Variants in PRKAG1 observed in about 807,000 individuals in gnomAD.
PRKAG1 encodes the protein 5'-AMP-activated protein kinase subunit gamma-1.
A neutral mutation model predicts 48.2 loss-of-function variants in PRKAG1; 27 were observed. The observed-to-expected ratio is 0.56, with a 90% CI of 0.41 to 0.77. PRKAG1 has a LOEUF of 0.77. Among genes scored for constraint, PRKAG1 ranks in the 30% least tolerant of loss-of-function variants. The pLI is 0.00. For synonymous variants in PRKAG1, 130 were observed against 147.7 expected (o/e 0.88, Z 0.87); for missense variants, 287 against 398.3 (o/e 0.72, Z 2.38).
intron 8 of PRKAG1, 43 bp from the exon 9 acceptor site, chr12:49,003,965 C>T (rs968580392): frequency 6.4e-7 from 1 of 1,554,224 alleles, no homozygotes; most frequent in Middle Eastern, 1.7e-4. Context: ...GCACCCAAAG[C>T]CACCCTTGGA....
rs373111977 is a variant in PRKAG1, at chr12:49,010,591, A to G, written c.58+2471T>C. Among the ~76,000 whole-genome samples the G allele has an allele frequency of 3.9e-5, 6 of 152,072 alleles. No homozygotes were observed. In the East Asian group the frequency reaches 9.6e-4, roughly 24 times the overall value. On this transcript the variant is annotated intron_variant, in intron 2 of 11. Transcript: ENST00000548065. ...GAGGCAGAGTTGCCCACTGTACTCA[A>G]TGGGGTAGGGTGTCTTGGGATCTGA...
intron 1 of PRKAG1, among the ~76,000 whole-genome samples, chr12:49,015,733 C>T (rs777553836): frequency 6.6e-6 from 1 of 152,082 alleles, no homozygotes; most frequent in Non-Finnish European, 1.5e-5. Flanking sequence ...CCACCACGCC[C>T]AGCTAAGTTT....
At chr12:49,017,208 CTTTTTTTTT>C in intron 1 of PRKAG1, 2 of 449,232 alleles carry the variant, frequency 4.5e-6, no homozygotes, top group Middle Eastern at 3.3e-4. Context: ...TCTTTCTTTT[CTTTTTTTTT>C]GGAGACAGGA....
At chr12:49,003,075 A>C in intron 11 of PRKAG1, 69 bp from the exon 12 acceptor site, 1 of 1,612,718 alleles carries the variant, frequency 6.2e-7, no homozygotes, top group Non-Finnish European at 8.5e-7. Context: ...CTCTGCCCCT[A>C]CTCTCCTTGC....
chr12:49,018,776 G>A lies in PRKAG1; in HGVS notation c.-36C>T. 9.3e-6 allele frequency: 15 copies of A among 1,612,176 alleles called. No individual in the cohort carries two copies. The highest frequency in any genetic ancestry group is 1.3e-5 in the Non-Finnish European group (15 of 1,179,866). ...GCCCGGCTTGGTTTCCTCGCTTTAG[G>A]AAACTCTCTTGGGGCAGGCCCCGCC... On this transcript the variant is annotated 5_prime_UTR_variant, in exon 1 of 12. Coordinates refer to ENST00000548065, the MANE Select transcript of PRKAG1 (RefSeq NM_002733.5).
At chr12:49,018,372 C>A in intron 1 of PRKAG1, 1 of 1,022,146 alleles carries the variant, frequency 9.8e-7, no homozygotes, top group South Asian at 3.5e-5. Flanking sequence ...CGTGCCTCAC[C>A]CAGCAAAGCC....
rs201416536 is a variant in PRKAG1, at chr12:49,002,889, T to A, written c.*10A>T. On this transcript the variant is annotated 3_prime_UTR_variant, in exon 12 of 12. Transcript: ENST00000548065. ...ATATCCCCTGGTGCTGCATGACCCC[T>A]TCCCCCAGCTCAGGGCTTCTTCTCT... The A allele has an allele frequency of 1.2e-6, 2 of 1,611,326 alleles. No homozygotes were observed. Among genetic ancestry groups the A allele is most frequent in the Admixed American group, 3.3e-5 (2 of 60,004 alleles).
chr12:49,004,091 ACCAG>A, intron 8 of PRKAG1, 169 bp from the exon 9 acceptor site: 1 of 887,236 alleles, frequency 1.1e-6, no homozygotes, highest in South Asian at 2.0e-5. Context: ...GGAGTTCGAG[ACCAG>A]CCTGGGCAAC....
At chr12:49,003,676 G>A in intron 9 of PRKAG1, 81 bp from the exon 10 acceptor site, 1 of 1,608,662 alleles carries the variant, frequency 6.2e-7, no homozygotes, top group Non-Finnish European at 8.5e-7. Flanking sequence ...TCCTGGCTAA[G>A]CTGAGGGGAA....
In PRKAG1 at chr12:49,003,940, A is replaced by C. The variant is rs547315456; in HGVS notation, c.538-18T>G. 6.4e-7 allele frequency: 1 copy of C among 1,572,494 alleles called. No homozygotes were observed. The highest frequency in any genetic ancestry group is 1.4e-5 in the African/African-American group (1 of 73,622). ...TCAGTGATCTGAGGAAAGAACCATC[A>C]GCTTAACTTTCAAGGCACCCAAAGC... On this transcript the variant is annotated intron_variant, in intron 8 of 11. Transcript: ENST00000548065.
Position 49,003,942 on chromosome 12 carries a change from C to T in PRKAG1, c.538-20G>A. On this transcript the variant is annotated intron_variant, in intron 8 of 11. Transcript: ENST00000548065. ...AGTGATCTGAGGAAAGAACCATCAG[C>T]TTAACTTTCAAGGCACCCAAAGCCA... The T allele has an allele frequency of 6.4e-7, 1 of 1,571,148 alleles. No homozygotes were observed. Among genetic ancestry groups the T allele is most frequent in the Non-Finnish European group, 8.6e-7 (1 of 1,157,218 alleles).
intron 1 of PRKAG1, chr12:49,018,422 G>A (rs1942092154): frequency 7.7e-7 from 1 of 1,290,838 alleles, no homozygotes; most frequent in Non-Finnish European, 9.9e-7. Flanking sequence ...AAAAGGGCTT[G>A]AGGTGCCAAT....
intron 10 of PRKAG1, 76 bp downstream of exon 10, chr12:49,003,482 C>T: frequency 6.4e-7 from 1 of 1,560,840 alleles, no homozygotes; most frequent in Non-Finnish European, 8.8e-7. Flanking sequence ...GAAGAGACTC[C>T]CTTCTCCCTC....
Position 49,005,807 on chromosome 12 carries a change from G to A in PRKAG1, c.104C>T (p.Ser35Phe). The A allele has an allele frequency of 1.2e-6, 2 of 1,613,912 alleles. No individual in the cohort carries two copies. Among genetic ancestry groups the A allele is most frequent in the Non-Finnish European group, 1.7e-6 (2 of 1,179,886 alleles). ...GGGAATCAGGTCATAGCAGCGATGAGACTTCATGAAGGAAGTATACACGCT... is the reference window on the plus strand; with the variant it reads ...GGGAATCAGGTCATAGCAGCGATGAAACTTCATGAAGGAAGTATACACGCT... ...NNSVYTSFMK[S>F]HRCYDLIPTS... The change falls in exon 3 of 12, where the codon TCT becomes TTT. Residue 35 changes from serine (S) to phenylalanine (F), a missense_variant. By Grantham distance (155) the Ser-to-Phe change is radical. Around this residue, in one of 2 missense-constraint regions of PRKAG1, gnomAD observed 63 missense variants for 54.0 expected, o/e 1.17. Transcript: ENST00000548065. The surrounding 1 kb of genome is among the most constrained non-coding windows in gnomAD (Gnocchi z 4.1).
In PRKAG1 at chr12:49,003,748, ATC is replaced by A. The variant is rs1442334703; in HGVS notation, c.703+7_703+8del. The A allele has an allele frequency of 6.2e-7, 1 of 1,610,214 alleles. No individual in the cohort carries two copies. The highest frequency in any genetic ancestry group is 1.1e-5 in the South Asian group (1 of 90,470). On this transcript the variant is annotated splice_region_variant and intron_variant, in intron 9 of 11. Transcript: ENST00000548065. ...TCTTCCCTCCCTCTCCTTCTGCCCA[ATC>A]TCTCACCCTTCTCATCCACCACTGG...
At chr12:49,015,690 A>T (rs1941940635) in intron 1 of PRKAG1, among the ~76,000 whole-genome samples, 1 of 152,010 alleles carries the variant, frequency 6.6e-6, no homozygotes, top group African/African-American at 2.4e-5. Context: ...CTCCTGCCTC[A>T]GCCTCCCAAG....
At chr12:49,018,579 G>A (rs1933564559) in intron 1 of PRKAG1, 153 bp downstream of exon 1, 1 of 1,491,800 alleles carries the variant, frequency 6.7e-7, no homozygotes, top group Admixed American at 2.4e-5. Context: ...CGAAGAAGCG[G>A]AGGAACAGGG....
At chr12:49,010,036 T>A (rs775458871) in intron 2 of PRKAG1, among the ~76,000 whole-genome samples, 1 of 152,240 alleles carries the variant, frequency 6.6e-6, no homozygotes, top group Non-Finnish European at 1.5e-5. Flanking sequence ...TTTTTCCTGT[T>A]TGTTTCTTCT....
intron 1 of PRKAG1, among the ~76,000 whole-genome samples, chr12:49,013,655 A>C (rs1941851634): frequency 6.6e-6 from 1 of 152,194 alleles, no homozygotes; most frequent in African/African-American, 2.4e-5. Context: ...AGAGACATTA[A>C]GCAACTTGCC....
Sources: gnomAD v4.1 joint callset for allele counts (sites outside exome capture counted in the v4.1 genomes callset) on GRCh38, gnomAD v4.1.1 for gene constraint, gnomAD v4.1.1 regional missense constraint, Gnocchi (gnomAD v3.1) non-coding constraint, MANE v1.5 for transcripts, NCBI Gene and HGNC (gene_info 2026-07-23, HGNC 2026-07-21) for gene names.